SLIT1: variants seen among roughly 807,000 people sequenced by gnomAD.
SLIT1 encodes slit homolog 1 protein.
A neutral mutation model predicts 186.1 loss-of-function variants in SLIT1; 66 were observed. That is an observed-to-expected ratio of 0.35 (90% CI 0.29 to 0.44). The LOEUF is 0.44. Among genes scored for constraint, SLIT1 ranks in the 20% least tolerant of loss-of-function variants. SLIT1 has a pLI of 1.00. For missense variants in SLIT1, 1,638 were observed against 2,037.4 expected (o/e 0.80, Z 3.77); for synonymous variants, 761 against 833.8 (o/e 0.91, Z 1.50).
Position 97,021,535 on chromosome 10 carries a change from C to T in SLIT1, c.2583-122G>A. 1 of 796,676 alleles carries T rather than the reference C, an allele frequency of 1.3e-6. No homozygotes were observed. Among genetic ancestry groups the T allele is most frequent in the Non-Finnish European group, 2.0e-6 (1 of 507,678 alleles). The allele number at this position is 796,676 out of a possible 1,614,324, so 49.4% of individuals were successfully genotyped here. A position where few individuals can be genotyped will look rare whatever the true frequency, so the allele number is the denominator to read the frequency against. On this transcript the variant is annotated intron_variant, in intron 25 of 36. Coordinates refer to ENST00000266058, the MANE Select transcript of SLIT1 (RefSeq NM_003061.3). This position sits in a 1 kb window ranked among gnomAD's most constrained non-coding sequence, Gnocchi z 4.5. ...AAAATCTTAGCCTCCATTTCATGAG[C>T]ATTTACTGTATAGTCAGTGCTGCTT...
At chr10:97,037,419 A>G (rs1038865202) in intron 22 of SLIT1, among the ~76,000 whole-genome samples, 7 of 152,000 alleles carry the variant, frequency 4.6e-5, no homozygotes, top group Non-Finnish European at 1.0e-4. Context: ...TAACCCTTTT[A>G]ACAGTCACGA....
At position 97,010,944 on chromosome 10, in the gene SLIT1, G is replaced by T. The variant is rs1848405060; in HGVS notation, c.3341+49C>A. 2 of 1,584,782 alleles carry T rather than the reference G, an allele frequency of 1.3e-6. No homozygotes were observed. The highest frequency in any genetic ancestry group is 4.5e-5 in the East Asian group (2 of 44,184). On this transcript the variant is annotated intron_variant, in intron 31 of 36. Coordinates refer to ENST00000266058, the MANE Select transcript of SLIT1 (RefSeq NM_003061.3). The surrounding 1 kb of genome is among the most constrained non-coding windows in gnomAD (Gnocchi z 4.8). ...GGCTGGAGGCTCCTGCCAGCCCAGG[G>T]GCTGACAGCCACAAGGAGTCACTCC...
intron 26 of SLIT1, among the ~76,000 whole-genome samples, chr10:97,019,587 C>T (rs1008705162): frequency 2.0e-5 from 3 of 152,176 alleles, no homozygotes; most frequent in Non-Finnish European, 4.4e-5. Context: ...TGCCCAAGCT[C>T]GGCTCTGCAG....
rs554903552 is a variant in SLIT1 at position 97,002,794 on chromosome 10, T to C, written c.4064A>G (p.Asn1355Ser). 6.2e-7 allele frequency: 1 copy of C among 1,613,880 alleles called. No homozygotes were observed. The highest frequency in any genetic ancestry group is 8.5e-7 in the Non-Finnish European group (1 of 1,179,930). ...LYCLHGICQPNATPGPMCHCE... is the reference protein window; with the variant it reads ...LYCLHGICQPSATPGPMCHCE... Reference sequence around the variant, plus strand: ...GTGGCACATGGGCCCTGGGGTGGCATTGGGCTGGCAGATGCCATGCAGGCA... The same window carrying C: ...GTGGCACATGGGCCCTGGGGTGGCACTGGGCTGGCAGATGCCATGCAGGCA... The change falls in exon 35 of 37, where the codon AAT becomes AGT. Residue 1355 changes from asparagine (N) to serine (S), a missense_variant. Physicochemically the swap from Asn to Ser is conservative, Grantham distance 46 (BLOSUM62 1). This residue lies in a region of SLIT1 where 173 missense variants were observed against 290.9 expected (regional missense o/e 0.59). Transcript: ENST00000266058.
intron 23 of SLIT1, among the ~76,000 whole-genome samples, chr10:97,033,632 C>T (rs1398463487): frequency 6.6e-6 from 1 of 152,128 alleles, no homozygotes; most frequent in Non-Finnish European, 1.5e-5. Context: ...ATAGACAATG[C>T]TAAGCAAGAG....
At position 97,021,176 on chromosome 10, in the gene SLIT1, T is replaced by C. The variant is rs72819880; in HGVS notation, c.2746+74A>G. 0.062 allele frequency: 89,797 copies of C among 1,452,328 alleles called. 4,021 individuals are homozygous for C. The highest frequency in any genetic ancestry group is 0.19 in the South Asian group (14,413 of 76,514). 90.0% of individuals were successfully genotyped at this position (1,452,328 alleles called of 1,614,324 possible). ...AGCGGTCACCACAGGGACGCAGGCA[T>C]GTTAGGAAGGCCCTGCAGTGTTGGG... On this transcript the variant is annotated intron_variant, in intron 26 of 36. Coordinates refer to ENST00000266058, the MANE Select transcript of SLIT1 (RefSeq NM_003061.3). This position sits in a 1 kb window ranked among gnomAD's most constrained non-coding sequence, Gnocchi z 4.5.
chr10:97,019,360 A>G (rs372295008), intron 26 of SLIT1, among the ~76,000 whole-genome samples: 4 of 152,188 alleles, frequency 2.6e-5, no homozygotes, highest in East Asian at 3.9e-4. Flanking sequence ...TGTGCAAAGC[A>G]TGCTTGGCAG....
Position 97,064,815 on chromosome 10 carries a change from G to A in SLIT1, c.547C>T (p.Leu183=), listed in dbSNP as rs1848928739. ...EEGAFRALRG[L]EVLTLNNNNI... is the part of the protein sequence containing the mutation. ...CCATGCTTTACTTACAGCACCTCCA[G>A]CCCCCGCAGAGCACGGAAGGCCCCT... The change falls in exon 6 of 37, where the codon CTG becomes TTG. Residue 183 remains leucine (L), a synonymous_variant. Transcript: ENST00000266058. 6.2e-7 allele frequency: 1 copy of A among 1,610,608 alleles called. No individual in the cohort carries two copies. The highest frequency in any genetic ancestry group is 1.3e-5 in the African/African-American group (1 of 74,732).
chr10:97,044,666 C>T (rs1848719598), intron 18 of SLIT1, among the ~76,000 whole-genome samples: 1 of 152,080 alleles, frequency 6.6e-6, no homozygotes, highest in Non-Finnish European at 1.5e-5. Context: ...AGTGACTGGG[C>T]ACTTCCACAC....
rs762501015 is a variant in SLIT1, at chr10:97,059,559, C to T, written c.1014-28G>A. On this transcript the variant is annotated intron_variant, in intron 10 of 36. Coordinates refer to ENST00000266058, the MANE Select transcript of SLIT1 (RefSeq NM_003061.3). ...GCAAGGTGAGCAGAAGGAGAGGGGG[C>T]ATCTGAATCCCTCAACAGCCACTAA... is the stretch of plus-strand genomic sequence containing the variant. 1.1e-5 allele frequency: 18 copies of T among 1,581,830 alleles called. No homozygotes were observed. In the East Asian group the frequency reaches 1.3e-4, roughly 12 times the overall value.
At chr10:97,141,740 T>C (rs921982197) in intron 4 of SLIT1, among the ~76,000 whole-genome samples, 3 of 148,384 alleles carry the variant, frequency 2.0e-5, no homozygotes, top group Admixed American at 6.7e-5. Flanking sequence ...CTGTATTGTA[T>C]CGTATCGTAT....
At position 97,006,454 on chromosome 10, in the gene SLIT1, C is replaced by T; in HGVS notation, c.3579+29G>A. The T allele has an allele frequency of 1.9e-6, 3 of 1,545,716 alleles. No individual in the cohort carries two copies. The highest frequency in any genetic ancestry group is 2.7e-6 in the Non-Finnish European group (3 of 1,118,674). On this transcript the variant is annotated intron_variant, in intron 32 of 36. Transcript: ENST00000266058. This position sits in a 1 kb window ranked among gnomAD's most constrained non-coding sequence, Gnocchi z 4.0. ...CCAGGGTCGCCTGCTCCCTGACTCC[C>T]CTCTGTGACCAAGCCCCCTGGCACG...
At chr10:97,055,086 G>C (rs1372552729) in intron 13 of SLIT1, among the ~76,000 whole-genome samples, 1 of 152,070 alleles carries the variant, frequency 6.6e-6, no homozygotes, top group Non-Finnish European at 1.5e-5. Context: ...GCGTGGTGAC[G>C]GGCGCCTGTA....
chr10:97,119,811 A>G (rs985968960), intron 4 of SLIT1, among the ~76,000 whole-genome samples: 3 of 151,060 alleles, frequency 2.0e-5, no homozygotes, highest in Admixed American at 2.0e-4. Flanking sequence ...TGGAGCAAAT[A>G]TGCCCAATGT....
At chr10:97,007,896 G>T (rs1704150073) in intron 31 of SLIT1, among the ~76,000 whole-genome samples, 1 of 151,368 alleles carries the variant, frequency 6.6e-6, no homozygotes, top group Admixed American at 6.6e-5. Context: ...AAGGATATTT[G>T]CTCTCACAAT....
intron 4 of SLIT1, among the ~76,000 whole-genome samples, chr10:97,111,974 C>G (rs1849468774): frequency 6.6e-6 from 1 of 152,240 alleles, no homozygotes; most frequent in South Asian, 2.1e-4. Flanking sequence ...AGCCCCTCAG[C>G]AGAATGGCAT....
chr10:97,134,219 A>G (rs980741843), intron 4 of SLIT1, among the ~76,000 whole-genome samples: 4 of 151,126 alleles, frequency 2.6e-5, no homozygotes, highest in African/African-American at 7.3e-5. Flanking sequence ...TGTGCCACCC[A>G]CCTCCTCCCA....
intron 20 of SLIT1, 141 bp from the exon 21 acceptor site, chr10:97,040,261 T>C (rs2134619349): frequency 1.2e-6 from 1 of 824,680 alleles, no homozygotes; most frequent in East Asian, 3.2e-5. Context: ...GTCTGTGCAC[T>C]ACACCTCCCC....
chr10:97,004,346 C>T lies in SLIT1; in HGVS notation c.3711-124G>A. On this transcript the variant is annotated intron_variant, in intron 33 of 36. Coordinates refer to ENST00000266058, the MANE Select transcript of SLIT1 (RefSeq NM_003061.3). This position sits in a 1 kb window ranked among gnomAD's most constrained non-coding sequence, Gnocchi z 5.1. ...GAGACCAAATATCTAAGGAAAAGGA[C>T]TGTGGGGGCTCAAGGGTCTATCGCA... 1.0e-6 allele frequency: 1 copy of T among 953,714 alleles called. No homozygotes were observed. The highest frequency in any genetic ancestry group is 1.6e-6 in the Non-Finnish European group (1 of 627,790). 59.1% of individuals were successfully genotyped at this position (953,714 alleles called of 1,614,324 possible). A position where few individuals can be genotyped will look rare whatever the true frequency, so the allele number is the denominator to read the frequency against.
Sources: allele counts gnomAD v4.1 joint callset (sites outside exome capture counted in the v4.1 genomes callset), GRCh38; gene constraint gnomAD v4.1.1; regional missense constraint gnomAD v4.1.1; non-coding constraint Gnocchi (gnomAD v3.1); transcripts MANE v1.5; gene names NCBI Gene and HGNC (gene_info 2026-07-23, HGNC 2026-07-21).